The following LAMA2 variants were observed in gnomAD, a reference collection of about 807,000 sequenced individuals.
LAMA2 encodes laminin subunit alpha 2, also known as laminin subunit alpha-2.
In LAMA2, 269 loss-of-function variants were observed where a neutral mutation model predicts 364.8. That is an observed-to-expected ratio of 0.74 (90% confidence interval 0.67 to 0.82). The LOEUF (loss-of-function observed/expected upper bound fraction) is 0.82, where lower values mean the gene tolerates loss of function less well. LAMA2 is among the 40% of genes least tolerant of loss of function. The pLI, the probability that LAMA2 is intolerant of heterozygous loss-of-function variation, is 0.00. For synonymous variants in LAMA2, 1,379 were observed against 1,370.6 expected (o/e 1.01, Z -0.14); for missense variants, 3,807 against 3,873.2 (o/e 0.98, Z 0.45).
chr6:129,318,171 T>C (rs1194665208), intron 27 of LAMA2, among the ~76,000 whole-genome samples: 1 of 152,208 alleles, frequency 6.6e-6, no homozygotes, highest in African/African-American at 2.4e-5. Context: ...CCTTGTATCT[T>C]TATTTATTCA....
chr6:128,894,850 A>G (rs1480795578), intron 1 of LAMA2, among the ~76,000 whole-genome samples: 1 of 152,228 alleles, frequency 6.6e-6, no homozygotes, highest in Non-Finnish European at 1.5e-5. Flanking sequence ...CTTTTGCACC[A>G]TCAGTGCACA....
intron 17 of LAMA2, among the ~76,000 whole-genome samples, chr6:129,279,546 G>A (rs1236892258): frequency 6.6e-6 from 1 of 152,154 alleles, no homozygotes; most frequent in East Asian, 1.9e-4. Flanking sequence ...CCATCAGTGT[G>A]AGGGCATACC....
At chr6:129,272,675 G>A (rs921535459) in intron 17 of LAMA2, among the ~76,000 whole-genome samples, 1 of 152,096 alleles carries the variant, frequency 6.6e-6, no homozygotes, top group Admixed American at 6.6e-5. Flanking sequence ...GTTTAATGCA[G>A]GGGTCCTCAA....
chr6:129,312,024 C>A (rs577070468), intron 22 of LAMA2, among the ~76,000 whole-genome samples: 117 of 142,916 alleles, frequency 8.2e-4, no homozygotes, highest in Non-Finnish European at 2.9e-4. Context: ...TATAGATGAT[C>A]CTGAAAAAGA....
intron 2 of LAMA2, among the ~76,000 whole-genome samples, chr6:129,053,599 T>G (rs2114782591): frequency 6.6e-6 from 1 of 152,126 alleles, no homozygotes; most frequent in South Asian, 2.1e-4. Context: ...ATTAGGTATG[T>G]GATGAAGGAA....
intron 29 of LAMA2, among the ~76,000 whole-genome samples, chr6:129,341,068 T>C (rs1776242219): frequency 6.6e-6 from 1 of 152,200 alleles, no homozygotes; most frequent in South Asian, 2.1e-4. Context: ...TAATAGAAGT[T>C]TTAAACAAAC....
At chr6:129,456,005 G>A (rs1454499540) in intron 47 of LAMA2, among the ~76,000 whole-genome samples, 1 of 152,104 alleles carries the variant, frequency 6.6e-6, no homozygotes, top group African/African-American at 2.4e-5. Context: ...GTAAGCCATA[G>A]GAAAAAGGCT....
intron 44 of LAMA2, 88 bp downstream of exon 44, chr6:129,443,156 T>C: frequency 9.9e-7 from 1 of 1,007,592 alleles, no homozygotes; most frequent in East Asian, 2.5e-5. Flanking sequence ...TGTACTATAT[T>C]TTGGTTTTGC....
At chr6:129,174,731 C>T (rs1780453939) in intron 9 of LAMA2, among the ~76,000 whole-genome samples, 2 of 152,108 alleles carry the variant, frequency 1.3e-5, no homozygotes, top group Admixed American at 1.3e-4. Context: ...CGTAAGCTTT[C>T]TAGAAGTCAA....
At chr6:129,444,804 A>G (rs935847857) in intron 44 of LAMA2, among the ~76,000 whole-genome samples, 1 of 152,228 alleles carries the variant, frequency 6.6e-6, no homozygotes. Flanking sequence ...TCAGAGTCAC[A>G]GTGACAGAAA....
chr6:129,205,491 TATACACACACACACACACACAC>T (rs143113517), intron 12 of LAMA2, among the ~76,000 whole-genome samples: 9,257 of 123,064 alleles, frequency 0.075, 671 homozygotes, highest in African/African-American at 0.19. Context: ...TATATATATA[TATACACACACACACACACACAC>T]ACACACACAC....
intron 55 of LAMA2, among the ~76,000 whole-genome samples, chr6:129,485,707 A>G (rs997796937): frequency 1.1e-4 from 17 of 152,190 alleles, no homozygotes; most frequent in Non-Finnish European, 1.9e-4. Context: ...TGTGGTGGAC[A>G]CGTAACTACA....
chr6:129,306,713 T>C (rs1031768559), intron 22 of LAMA2, among the ~76,000 whole-genome samples: 1 of 152,096 alleles, frequency 6.6e-6, no homozygotes, highest in Non-Finnish European at 1.5e-5. Context: ...CCAAAGTCAC[T>C]GATTTTTTAA....
chr6:128,955,613 C>A (rs1157152333), intron 1 of LAMA2, among the ~76,000 whole-genome samples: 1 of 151,830 alleles, frequency 6.6e-6, no homozygotes, highest in Non-Finnish European at 1.5e-5. Flanking sequence ...ATTACTTTTA[C>A]CATTGCAGTT....
intron 14 of LAMA2, 117 bp from the exon 15 acceptor site, chr6:129,260,594 C>T (rs769379332): frequency 2.1e-4 from 162 of 764,900 alleles, no homozygotes; most frequent in Non-Finnish European, 3.5e-4. Flanking sequence ...TCATCAGCTT[C>T]CTTTCTCAGC....
chr6:129,133,867 AACAC>A lies in LAMA2; in HGVS notation c.640-10021_640-10018del, dbSNP rs148016532. On this transcript the variant is annotated intron_variant, in intron 4 of 64. Transcript: ENST00000421865. ...ATACACACACACACAGAGACAATTC[AACAC>A]ACACACACACACGCGCACACACAAT... is the stretch of plus-strand genomic sequence containing the variant. 4.1e-4 allele frequency among the ~76,000 whole-genome samples: 62 copies of A among 151,236 alleles called. No homozygotes were observed. In the East Asian group the frequency reaches 9.9e-3, roughly 24 times the overall value.
chr6:129,144,871 A>G (rs1778336385), intron 5 of LAMA2, among the ~76,000 whole-genome samples: 1 of 151,972 alleles, frequency 6.6e-6, no homozygotes, highest in African/African-American at 2.4e-5. Context: ...TTAAACAGGA[A>G]TTTGTGGGAT....
chr6:128,907,113 A>G (rs1562816531), intron 1 of LAMA2, among the ~76,000 whole-genome samples: 2 of 144,354 alleles, frequency 1.4e-5, no homozygotes. Context: ...TGACTTGGCG[A>G]TGCGGGCTCT....
rs200898063 is a variant in LAMA2, at chr6:129,353,361, C to G, written c.4717+4C>G. The stretch of plus-strand genomic sequence containing the variant: ...CGCGAGGGCTGGGAGTGTGTTTGTA[C>G]GTATACTAACTTTGCTGTTAGTTTT... On this transcript the variant is annotated splice_donor_region_variant and intron_variant, in intron 32 of 64. Coordinates refer to ENST00000421865, the MANE Select transcript of LAMA2 (RefSeq NM_000426.4). The G allele has an allele frequency of 5.0e-6, 8 of 1,611,688 alleles. No individual in the cohort carries two copies. The African/African-American group carries it at 1.1e-4, about 22-fold the overall frequency.
Sources: allele counts gnomAD v4.1 joint callset (sites outside exome capture counted in the v4.1 genomes callset), GRCh38; gene constraint gnomAD v4.1.1; transcripts MANE v1.5; gene names NCBI Gene and HGNC (gene_info 2026-07-23, HGNC 2026-07-21).